Variants in PCDHGB4 observed in about 807,000 individuals in gnomAD.
The protein encoded by PCDHGB4 is protocadherin gamma-B4.
A neutral mutation model predicts 60.5 loss-of-function variants in PCDHGB4; 38 were observed. The observed-to-expected ratio is 0.63, with a 90% CI of 0.48 to 0.82. PCDHGB4 has a LOEUF of 0.82. Among genes scored for constraint, PCDHGB4 ranks in the 40% least tolerant of loss-of-function variants. The probability of loss-of-function intolerance (pLI) is 0.00; values close to 1 mark genes in which losing one functional copy is unlikely to be tolerated. For synonymous variants in PCDHGB4, 456 were observed against 509.7 expected (o/e 0.89, Z 1.42); for missense variants, 1,109 against 1,209.6 (o/e 0.92, Z 1.23).
At chr5:141,401,936 G>A (rs950687803) in intron 1 of PCDHGB4, among the ~76,000 whole-genome samples, 1 of 152,100 alleles carries the variant, frequency 6.6e-6, no homozygotes, top group African/African-American at 2.4e-5. Flanking sequence ...TTAGAATAAT[G>A]TTTAAGACCA....
rs2233605 is a variant in PCDHGB4 at position 141,490,412 on chromosome 5, C to A, written c.2398-4395C>A. ...GGTGAAGTGAGCCTTGATATCTCTC[C>A]GGACCTGCCATTTCAGATTAAGCCT... On this transcript the variant is annotated intron_variant, in intron 1 of 3. Transcript: ENST00000519479. This position sits in a 1 kb window ranked among gnomAD's most constrained non-coding sequence, Gnocchi z 5.4. 1.3e-4 allele frequency: 203 copies of A among 1,614,064 alleles called. 1 individual carries two copies. The highest frequency in any genetic ancestry group is 3.5e-4 in the South Asian group (32 of 91,086).
chr5:141,415,819 TA>T, intron 1 of PCDHGB4: 2 of 1,328,322 alleles, frequency 1.5e-6, no homozygotes, highest in African/African-American at 1.5e-5. Context: ...CTATATATCA[TA>T]AGGCTTTGTT....
chr5:141,439,428 C>T (rs1191911600), intron 1 of PCDHGB4, among the ~76,000 whole-genome samples: 1 of 152,170 alleles, frequency 6.6e-6, no homozygotes, highest in Non-Finnish European at 1.5e-5. Flanking sequence ...TATAAATTCC[C>T]AGGAATATTT....
intron 1 of PCDHGB4, chr5:141,400,039 C>T: frequency 6.2e-7 from 1 of 1,613,512 alleles, no homozygotes; most frequent in Non-Finnish European, 8.5e-7. Context: ...CCGCCAGCGC[C>T]TGCTGGTTGC....
intron 1 of PCDHGB4, chr5:141,433,069 C>T (rs561950316): frequency 2.5e-6 from 4 of 1,614,080 alleles, no homozygotes; most frequent in African/African-American, 1.3e-5. Context: ...ACCTGATCTT[C>T]CCCCAGCCCA....
chr5:141,415,599 C>G (rs201075690), intron 1 of PCDHGB4: 321 of 1,613,514 alleles, frequency 2.0e-4, no homozygotes, highest in South Asian at 6.6e-4. Context: ...TAGAGGATAC[C>G]CCATTGGTTC....
intron 1 of PCDHGB4, chr5:141,415,733 T>C: frequency 7.1e-7 from 1 of 1,407,484 alleles, no homozygotes; most frequent in Non-Finnish European, 9.3e-7. Context: ...ATTTGATGTT[T>C]ATTAAGGTTT....
intron 1 of PCDHGB4, chr5:141,423,620 C>G: frequency 6.2e-7 from 1 of 1,608,268 alleles, no homozygotes; most frequent in Non-Finnish European, 8.5e-7. Flanking sequence ...GCTGAAGACT[C>G]AGCTATCATT....
chr5:141,390,300 T>A lies in PCDHGB4; in HGVS notation c.2397+19T>A. The stretch of plus-strand genomic sequence containing the variant: ...CCATCAGGTGAGTTTCCTTTAAGTA[T>A]AATTTAATGCTCATTGCCTACCCAT... On this transcript the variant is annotated intron_variant, in intron 1 of 3. Transcript: ENST00000519479. 6.2e-7 allele frequency: 1 copy of A among 1,613,822 alleles called. No homozygotes were observed. The highest frequency in any genetic ancestry group is 8.5e-7 in the Non-Finnish European group (1 of 1,179,742).
Position 141,476,165 on chromosome 5 carries a change from G to A in PCDHGB4, c.2398-18642G>A. ...CGGACTGGTAAGCACCGGGAGGGTA[G>A]TGGGAGTTTTGCTTCTGCTTGGTGC... On this transcript the variant is annotated intron_variant, in intron 1 of 3. Coordinates refer to ENST00000519479, the MANE Select transcript of PCDHGB4 (RefSeq NM_003736.4). This position sits in a 1 kb window ranked among gnomAD's most constrained non-coding sequence, Gnocchi z 7.6. 1 of 1,613,228 alleles carries A rather than the reference G, an allele frequency of 6.2e-7. No homozygotes were observed.
Position 141,464,191 on chromosome 5 carries a change from G to C in PCDHGB4, c.2398-30616G>C, listed in dbSNP as rs185888723. Among the ~76,000 whole-genome samples, 583 of 151,818 alleles carry C rather than the reference G, an allele frequency of 3.8e-3. 6 individuals are homozygous for C. Among genetic ancestry groups the C allele is most frequent in the Admixed American group, 0.011 (166 of 15,202 alleles). On this transcript the variant is annotated intron_variant, in intron 1 of 3. Transcript: ENST00000519479. ...GAGGCAGGAGAATTGCTTGATTTCA[G>C]GAGGCGGAGATTGCAGTGAGCTGAG...
Position 141,486,046 on chromosome 5 carries a change from C to G in PCDHGB4, c.2398-8761C>G. 1.2e-6 allele frequency: 2 copies of G among 1,614,170 alleles called. No individual in the cohort carries two copies. Among genetic ancestry groups the G allele is most frequent in the Non-Finnish European group, 1.7e-6 (2 of 1,180,036 alleles). The stretch of plus-strand genomic sequence containing the variant: ...GTCATACCCCTGATCGTGTAAGAAA[C>G]CTCTTTAGCCTGCACCCCACTACTG... On this transcript the variant is annotated intron_variant, in intron 1 of 3. Coordinates refer to ENST00000519479, the MANE Select transcript of PCDHGB4 (RefSeq NM_003736.4). This position sits in a 1 kb window ranked among gnomAD's most constrained non-coding sequence, Gnocchi z 5.0.
In PCDHGB4 at chr5:141,485,798, C is replaced by T. The variant is rs764109672; in HGVS notation, c.2398-9009C>T. The T allele has an allele frequency of 2.0e-5, 32 of 1,614,172 alleles. No individual in the cohort carries two copies. The highest frequency in any genetic ancestry group is 1.1e-4 in the East Asian group (5 of 44,876). ...GGATCGAGAGAAGCAATCGGACTAC[C>T]GCCTGGTGCTGACTGCTGTCGATGG... is the stretch of plus-strand genomic sequence containing the variant. On this transcript the variant is annotated intron_variant, in intron 1 of 3. Coordinates refer to ENST00000519479, the MANE Select transcript of PCDHGB4 (RefSeq NM_003736.4). The surrounding 1 kb of genome is among the most constrained non-coding windows in gnomAD (Gnocchi z 5.7).
At chr5:141,423,342 C>A in intron 1 of PCDHGB4, 1 of 1,613,824 alleles carries the variant, frequency 6.2e-7, no homozygotes, top group South Asian at 1.1e-5. Flanking sequence ...CCTGCATCTT[C>A]CTGGTCTTTG....
chr5:141,408,643 C>G (rs751905674), intron 1 of PCDHGB4: 2 of 1,613,910 alleles, frequency 1.2e-6, no homozygotes, highest in Admixed American at 1.7e-5. Context: ...AATCTGCATC[C>G]GCTGGTACAC....
At chr5:141,500,619 G>A (rs1230172485) in intron 2 of PCDHGB4, among the ~76,000 whole-genome samples, 1 of 152,072 alleles carries the variant, frequency 6.6e-6, no homozygotes, top group East Asian at 1.9e-4. Context: ...CCAGTCATAC[G>A]GTACATTTCC....
In PCDHGB4 at chr5:141,491,409, G is replaced by T; in HGVS notation, c.2398-3398G>T. The T allele has an allele frequency of 6.8e-6, 11 of 1,614,118 alleles. No individual in the cohort carries two copies. Among genetic ancestry groups the T allele is most frequent in the Non-Finnish European group, 9.3e-6 (11 of 1,180,014 alleles). On this transcript the variant is annotated intron_variant, in intron 1 of 3. Coordinates refer to ENST00000519479, the MANE Select transcript of PCDHGB4 (RefSeq NM_003736.4). The surrounding 1 kb of genome is among the most constrained non-coding windows in gnomAD (Gnocchi z 6.9). ...AGTGCCTTCAGGGAAACGCAGACGG[G>T]GACGGGGGTGGAGGGCAGTGCTGCA...
At chr5:141,392,833 G>A (rs750632906) in intron 1 of PCDHGB4, 39 of 1,604,260 alleles carry the variant, frequency 2.4e-5, no homozygotes, top group Non-Finnish European at 2.8e-5. Context: ...CCACAGAGTC[G>A]CCCCAGACGC....
At chr5:141,393,243 G>A in intron 1 of PCDHGB4, 4 of 1,613,784 alleles carry the variant, frequency 2.5e-6, no homozygotes, top group Non-Finnish European at 3.4e-6. Flanking sequence ...AAAAATTAAC[G>A]AAATCGCGGT....
Sources: gnomAD v4.1 joint callset for allele counts (sites outside exome capture counted in the v4.1 genomes callset) on GRCh38, gnomAD v4.1.1 for gene constraint, Gnocchi (gnomAD v3.1) non-coding constraint, MANE v1.5 for transcripts, NCBI Gene and HGNC (gene_info 2026-07-23, HGNC 2026-07-21) for gene names.